Variants in AGBL4 observed in about 807,000 individuals in gnomAD.
The protein encoded by AGBL4 is AGBL carboxypeptidase 4, also known as cytosolic carboxypeptidase 6.
Under a neutral mutation model 66.4 loss-of-function variants are expected in AGBL4, and 58 were observed. The ratio of observed to expected loss-of-function variants is 0.87; its 90% confidence interval spans 0.71 to 1.09. AGBL4 has a LOEUF of 1.09. Among genes scored for constraint, AGBL4 ranks in the 50% least tolerant of loss-of-function variants. The pLI, the probability that AGBL4 is intolerant of heterozygous loss-of-function variation, is 0.00. For synonymous variants in AGBL4, 234 were observed against 222.9 expected (o/e 1.05, Z -0.44); for missense variants, 579 against 631.0 (o/e 0.92, Z 0.88).
intron 1 of AGBL4, among the ~76,000 whole-genome samples, chr1:50,018,778 T>C (rs558648213): frequency 2.5e-4 from 38 of 152,152 alleles, no homozygotes; most frequent in African/African-American, 8.9e-4. Context: ...AAACTTTCTG[T>C]CAAAAAATAG....
At chr1:49,168,086 A>G (rs1646665900) in intron 4 of AGBL4, among the ~76,000 whole-genome samples, 1 of 152,196 alleles carries the variant, frequency 6.6e-6, no homozygotes, top group Non-Finnish European at 1.5e-5. Flanking sequence ...ATTTTATATA[A>G]GGGACTTGAG....
At chr1:49,357,136 C>A (rs139770601) in intron 3 of AGBL4, among the ~76,000 whole-genome samples, 2 of 152,184 alleles carry the variant, frequency 1.3e-5, no homozygotes, top group African/African-American at 4.8e-5. Context: ...AAAAGAGTTA[C>A]GGCTGGGCCA....
chr1:48,538,178 A>T lies in AGBL4; in HGVS notation c.1364+1464T>A, dbSNP rs146282402. On this transcript the variant is annotated intron_variant, in intron 12 of 13. Transcript: ENST00000371839. Reference sequence around the variant, plus strand: ...AGACTCTATGACATGGGGCTAAGAGATGTATGACTCATAGCATTGTGGAAC... The same window carrying T: ...AGACTCTATGACATGGGGCTAAGAGTTGTATGACTCATAGCATTGTGGAAC... Among the ~76,000 whole-genome samples, 36 of 152,288 alleles carry T rather than the reference A, an allele frequency of 2.4e-4. No homozygotes were observed. The East Asian group carries it at 5.0e-3, about 21-fold the overall frequency.
In AGBL4 at chr1:49,318,240, C is replaced by A. The variant is rs200131872; in HGVS notation, c.283-72376G>T. Among the ~76,000 whole-genome samples, 5 of 151,790 alleles carry A rather than the reference C, an allele frequency of 3.3e-5. No individual in the cohort carries two copies. In the East Asian group the frequency reaches 9.6e-4, roughly 29 times the overall value. ...ACTTAGTTTTCCTGAACTTTAGTTT[C>A]CTAAACTATAAAATATAATAAAATA... On this transcript the variant is annotated intron_variant, in intron 3 of 13. Transcript: ENST00000371839.
At chr1:49,245,685 G>A in intron 4 of AGBL4, 85 bp downstream of exon 4, 1 of 858,386 alleles carries the variant, frequency 1.2e-6, no homozygotes, top group Non-Finnish European at 1.8e-6. Flanking sequence ...ATTTTTTTTG[G>A]GGGTCCATTA....
At chr1:48,644,188 G>T (rs541277688) in intron 8 of AGBL4, among the ~76,000 whole-genome samples, 1 of 151,996 alleles carries the variant, frequency 6.6e-6, no homozygotes, top group Non-Finnish European at 1.5e-5. Flanking sequence ...TTAATGTTTC[G>T]TATTATTATA....
At chr1:49,918,620 G>A (rs1258349197) in intron 1 of AGBL4, among the ~76,000 whole-genome samples, 3 of 152,080 alleles carry the variant, frequency 2.0e-5, no homozygotes, top group Non-Finnish European at 2.9e-5. Flanking sequence ...AAAAAGTCCA[G>A]GACCAGATGG....
intron 2 of AGBL4, among the ~76,000 whole-genome samples, chr1:49,728,649 G>C (rs1434181865): frequency 6.6e-6 from 1 of 152,134 alleles, no homozygotes; most frequent in Non-Finnish European, 1.5e-5. Context: ...GGGCTGAGAA[G>C]GCATGTGGGG....
chr1:49,472,872 A>C (rs901972645), intron 3 of AGBL4, among the ~76,000 whole-genome samples: 5 of 151,784 alleles, frequency 3.3e-5, no homozygotes, highest in Admixed American at 6.6e-5. Flanking sequence ...CTTTGTGTCC[A>C]TGTGTACCGT....
chr1:49,539,838 T>G (rs893426655), intron 3 of AGBL4, among the ~76,000 whole-genome samples: 14 of 152,034 alleles, frequency 9.2e-5, no homozygotes, highest in African/African-American at 3.4e-4. Context: ...AAATGGGCAT[T>G]AAGGAGAAAG....
chr1:49,354,339 C>T (rs778654317), intron 3 of AGBL4, among the ~76,000 whole-genome samples: 10 of 152,204 alleles, frequency 6.6e-5, no homozygotes, highest in Non-Finnish European at 1.0e-4. Flanking sequence ...AACATTTAAC[C>T]GTTGATCACT....
intron 4 of AGBL4, among the ~76,000 whole-genome samples, chr1:49,195,220 T>C (rs552571890): frequency 6.6e-6 from 1 of 152,180 alleles, no homozygotes; most frequent in Non-Finnish European, 1.5e-5. Flanking sequence ...TTTCTCTTCC[T>C]CTTTTGTGTA....
At chr1:49,603,807 C>T (rs1230071592) in intron 3 of AGBL4, among the ~76,000 whole-genome samples, 1 of 151,998 alleles carries the variant, frequency 6.6e-6, no homozygotes, top group African/African-American at 2.4e-5. Flanking sequence ...TAAGTGAGAA[C>T]ATGTAGTATT....
Position 48,997,030 on chromosome 1 carries a change from C to A in AGBL4, c.594+48554G>T, listed in dbSNP as rs529232914. On this transcript the variant is annotated intron_variant, in intron 5 of 13. Coordinates refer to ENST00000371839, the MANE Select transcript of AGBL4 (RefSeq NM_032785.4). The stretch of plus-strand genomic sequence containing the variant: ...CTCCACCTCAGGGGTTCAAGCAATT[C>A]TCTTGCCTCAGCCTCCCCAATAGCT... Among the ~76,000 whole-genome samples the A allele has an allele frequency of 5.3e-5, 8 of 152,214 alleles. No individual in the cohort carries two copies. The East Asian group carries it at 1.4e-3, about 26-fold the overall frequency.
intron 3 of AGBL4, among the ~76,000 whole-genome samples, chr1:49,509,136 AG>A (rs1352917549): frequency 6.6e-6 from 1 of 151,830 alleles, no homozygotes; most frequent in Non-Finnish European, 1.5e-5. Flanking sequence ...GGAGGATCAA[AG>A]AAAGCTTCCT....
chr1:48,750,343 C>T (rs552163168), intron 6 of AGBL4, among the ~76,000 whole-genome samples: 19 of 152,240 alleles, frequency 1.2e-4, no homozygotes, highest in South Asian at 2.1e-4. Flanking sequence ...TTCACTGTGC[C>T]GTCCAACCAG....
intron 3 of AGBL4, among the ~76,000 whole-genome samples, chr1:49,372,732 CCT>C (rs989748041): frequency 2.4e-5 from 3 of 125,404 alleles, no homozygotes; most frequent in African/African-American, 9.0e-5. Context: ...TCTTTCTTTC[CCT>C]CTCTCTCTTC....
rs527944662 is a variant in AGBL4, at chr1:50,008,382, A to T, written c.34+15381T>A. Among the ~76,000 whole-genome samples, 6 of 152,328 alleles carry T rather than the reference A, an allele frequency of 3.9e-5. No homozygotes were observed. The South Asian group carries it at 1.2e-3, about 32-fold the overall frequency. On this transcript the variant is annotated intron_variant, in intron 1 of 13. Coordinates refer to ENST00000371839, the MANE Select transcript of AGBL4 (RefSeq NM_032785.4). ...AAGAGGAATTTTGGAATCTATAGAA[A>T]CGTATGGAAATTAAACACTGCTCCT...
intron 6 of AGBL4, among the ~76,000 whole-genome samples, chr1:48,705,711 T>G (rs1646872015): frequency 6.6e-6 from 1 of 152,192 alleles, no homozygotes; most frequent in Admixed American, 6.5e-5. Context: ...AAAATTAAAC[T>G]TCCAAAATGT....
Sources: allele counts gnomAD v4.1 joint callset (sites outside exome capture counted in the v4.1 genomes callset), GRCh38; gene constraint gnomAD v4.1.1; transcripts MANE v1.5; gene names NCBI Gene and HGNC (gene_info 2026-07-23, HGNC 2026-07-21).